The following MAGI1 variants were observed in gnomAD, a reference collection of about 807,000 sequenced individuals.
The protein encoded by MAGI1 is membrane associated guanylate kinase, WW and PDZ domain containing 1, also known as membrane-associated guanylate kinase, WW and PDZ domain-containing protein 1.
Under a neutral mutation model 139.9 loss-of-function variants are expected in MAGI1, and 58 were observed. The observed-to-expected ratio is 0.41, with a 90% CI of 0.34 to 0.52. The LOEUF is 0.52. Ranked by LOEUF, MAGI1 falls within the 20% of genes least tolerant of loss-of-function variation. MAGI1 has a pLI of 0.12. For synonymous variants in MAGI1, 812 were observed against 737.9 expected, an observed-to-expected ratio of 1.10 and a Z score of -1.63; for missense variants, 1,874 against 1,901.6, an observed-to-expected ratio of 0.99 and a Z score of 0.27.
chr3:65,455,487 G>C (rs1183897760), intron 5 of MAGI1, among the ~76,000 whole-genome samples: 5 of 152,194 alleles, frequency 3.3e-5, no homozygotes, highest in Non-Finnish European at 2.9e-5. Flanking sequence ...AAGCCAGGTG[G>C]ATTGCTTGAG....
chr3:66,037,909 A>C, intron 1 of MAGI1, 87 bp downstream of exon 1: 2 of 1,508,186 alleles, frequency 1.3e-6, no homozygotes, highest in South Asian at 2.7e-5. Context: ...CGCTCCGAGG[A>C]GGGAAGCAGG....
At chr3:65,933,853 C>T (rs752981869) in intron 1 of MAGI1, among the ~76,000 whole-genome samples, 10 of 152,126 alleles carry the variant, frequency 6.6e-5, no homozygotes, top group South Asian at 2.1e-4. Flanking sequence ...CGGTCAGGTG[C>T]GGGGGCTCAT....
intron 1 of MAGI1, among the ~76,000 whole-genome samples, chr3:65,978,621 C>CTTTTTTTTTTTTTTTTT (rs373662388): frequency 1.5e-5 from 2 of 129,172 alleles, no homozygotes; most frequent in African/African-American, 2.9e-5. Flanking sequence ...CTCAAAATTT[C>CTTTTTTTTTTTTTTTTT]TTTTTTTTTT....
chr3:65,886,282 A>G (rs557083744), intron 1 of MAGI1, among the ~76,000 whole-genome samples: 2 of 152,340 alleles, frequency 1.3e-5, no homozygotes, highest in East Asian at 3.9e-4. Context: ...TGACAGTCAA[A>G]CTGCATAAAT....
intron 1 of MAGI1, among the ~76,000 whole-genome samples, chr3:65,843,392 T>A (rs2058876055): frequency 6.6e-6 from 1 of 152,200 alleles, no homozygotes; most frequent in Non-Finnish European, 1.5e-5. Flanking sequence ...TGTATCTTCA[T>A]AAGAAACCTG....
At chr3:65,765,678 C>A (rs879490544) in intron 1 of MAGI1, among the ~76,000 whole-genome samples, 1 of 152,088 alleles carries the variant, frequency 6.6e-6, no homozygotes, top group Non-Finnish European at 1.5e-5. Flanking sequence ...GCTGTATGGC[C>A]TTTTGGAATT....
At chr3:65,859,988 G>A (rs577720107) in intron 1 of MAGI1, among the ~76,000 whole-genome samples, 45 of 151,160 alleles carry the variant, frequency 3.0e-4, no homozygotes, top group African/African-American at 8.7e-4. Context: ...CTCTGCCTCC[G>A]GGGTTCAAGC....
chr3:65,391,108 G>T (rs1943894495), intron 14 of MAGI1, 34 bp downstream of exon 14: 2 of 1,570,796 alleles, frequency 1.3e-6, no homozygotes, highest in Non-Finnish European at 1.8e-6. Context: ...CTGCGGAGGG[G>T]TCAGGGTAAG....
chr3:65,639,335 T>A (rs746500274), intron 1 of MAGI1, among the ~76,000 whole-genome samples: 20 of 152,334 alleles, frequency 1.3e-4, no homozygotes, highest in Admixed American at 3.9e-4. Context: ...GTCTAATTTA[T>A]CAATTTTTAT....
At chr3:65,376,565 A>T (rs972097313) in intron 17 of MAGI1, among the ~76,000 whole-genome samples, 1 of 152,206 alleles carries the variant, frequency 6.6e-6, no homozygotes, top group East Asian at 1.9e-4. Flanking sequence ...ATTATAAGAG[A>T]TGAGCCAAGA....
intron 1 of MAGI1, chr3:65,720,242 T>A (rs1396345906): frequency 1.3e-5 from 2 of 152,134 alleles, no homozygotes; most frequent in Non-Finnish European, 2.9e-5. Context: ...GACATCCAGG[T>A]ATCTGGGAGG....
chr3:65,671,825 T>C (rs760402525), intron 1 of MAGI1, among the ~76,000 whole-genome samples: 1 of 152,178 alleles, frequency 6.6e-6, no homozygotes, highest in Non-Finnish European at 1.5e-5. Context: ...CAGGCTTCTA[T>C]TCACACTGCA....
Position 65,375,787 on chromosome 3 carries a change from C to G in MAGI1, c.3154G>C (p.Glu1052Gln). 6.2e-7 allele frequency: 1 copy of G among 1,614,024 alleles called. No homozygotes were observed. The highest frequency in any genetic ancestry group is 1.6e-4 in the Middle Eastern group (1 of 6,062). Residue 1052 changes from glutamate (E) to glutamine (Q), a missense_variant, in exon 18 of 23, where the codon GAA becomes CAA. Coordinates refer to ENST00000402939, the MANE Select transcript of MAGI1 (RefSeq NM_001033057.2). ...SHSDIVNLIK[E>Q]AGNTVTLRII... ...CGGAGGGTAACTGTGTTTCCCGCTT[C>G]CTTGATTAGGTTCACAATGTCTGAA...
chr3:65,491,802 C>T (rs1475405224), intron 3 of MAGI1, among the ~76,000 whole-genome samples: 2 of 151,564 alleles, frequency 1.3e-5, no homozygotes, highest in African/African-American at 2.4e-5. Flanking sequence ...GGAAACTAAG[C>T]CAACTGATAA....
intron 1 of MAGI1, among the ~76,000 whole-genome samples, chr3:65,815,628 T>A (rs1418915372): frequency 6.6e-6 from 1 of 152,228 alleles, no homozygotes; most frequent in African/African-American, 2.4e-5. Context: ...TAGCATATTC[T>A]ATACTATTAA....
chr3:65,531,389 T>A (rs981424718), intron 2 of MAGI1, among the ~76,000 whole-genome samples: 1 of 152,146 alleles, frequency 6.6e-6, no homozygotes, highest in Non-Finnish European at 1.5e-5. Flanking sequence ...TCAGGGGAAC[T>A]CGGGTGAAGG....
At chr3:65,963,181 TGG>T (rs2064539069) in intron 1 of MAGI1, among the ~76,000 whole-genome samples, 1 of 143,524 alleles carries the variant, frequency 7.0e-6, no homozygotes, top group African/African-American at 2.6e-5. Context: ...TAGCTGGGAG[TGG>T]CATTTGTAGT....
At chr3:65,706,613 C>G (rs567780002) in intron 1 of MAGI1, among the ~76,000 whole-genome samples, 2 of 152,208 alleles carry the variant, frequency 1.3e-5, no homozygotes, top group African/African-American at 4.8e-5. Context: ...CCAGAATATC[C>G]TGGAGAGGAG....
chr3:65,853,088 C>G (rs1489927478), intron 1 of MAGI1, among the ~76,000 whole-genome samples: 1 of 151,876 alleles, frequency 6.6e-6, no homozygotes, highest in Non-Finnish European at 1.5e-5. Context: ...GGTGGAGGTT[C>G]CCTCCGGGAA....
Sources: gnomAD v4.1 joint callset for allele counts (sites outside exome capture counted in the v4.1 genomes callset) on GRCh38, gnomAD v4.1.1 for gene constraint, MANE v1.5 for transcripts, NCBI Gene and HGNC (gene_info 2026-07-23, HGNC 2026-07-21) for gene names.